Variants in S1PR3 observed in about 807,000 individuals in gnomAD.
The protein encoded by S1PR3 is sphingosine-1-phosphate receptor 3.
A neutral mutation model predicts 13.3 loss-of-function variants in S1PR3; 12 were observed. The observed-to-expected ratio is 0.90, with a 90% CI of 0.58 to 1.46. The LOEUF is 1.46. Ranked by LOEUF, S1PR3 falls within the 40% of genes most tolerant of loss-of-function variation. The pLI is 0.00. For synonymous variants in S1PR3, 232 were observed against 214.0 expected, an observed-to-expected ratio of 1.08 and a Z score of -0.73; for missense variants, 450 against 501.9, an observed-to-expected ratio of 0.90 and a Z score of 0.99.
intron 1 of S1PR3, chr9:88,995,166 G>A (rs1448615446): frequency 2.4e-5 from 4 of 167,048 alleles, no homozygotes; most frequent in Non-Finnish European, 5.9e-5. Flanking sequence ...GGATGAACTA[G>A]TTAATTTCCC....
rs1825710278 is a variant in S1PR3, at chr9:88,991,659, A to G, written c.-184A>G. The G allele has an allele frequency of 6.6e-7, 1 of 1,518,044 alleles. No homozygotes were observed. Among genetic ancestry groups the G allele is most frequent in the Non-Finnish European group, 8.8e-7 (1 of 1,135,040 alleles). 94.0% of individuals were successfully genotyped at this position (1,518,044 alleles called of 1,614,324 possible). ...CCGGCACCGCCGCGCGCCACCCGCT[A>G]GGATGCCGGTGGCCCCAGCGCCCTC... is the stretch of plus-strand genomic sequence containing the variant. On this transcript the variant is annotated 5_prime_UTR_variant, in exon 1 of 2. Transcript: ENST00000358157. This position sits in a 1 kb window ranked among gnomAD's most constrained non-coding sequence, Gnocchi z 4.0.
intron 1 of S1PR3, 99 bp from the exon 2 acceptor site, chr9:89,000,955 C>T: frequency 1.8e-6 from 1 of 543,796 alleles, no homozygotes; most frequent in South Asian, 2.2e-5. Flanking sequence ...CATCCCAGTA[C>T]TTCCACGTTT....
Position 89,002,520 on chromosome 9 carries a change from G to C in S1PR3, c.*183G>C. The stretch of plus-strand genomic sequence containing the variant: ...ACCACCCCGCTTCAGTGTAAACAAC[G>C]TGCCTTGTCCACTTTGGGCTCCAGA... On this transcript the variant is annotated 3_prime_UTR_variant, in exon 2 of 2. Coordinates refer to ENST00000358157, the MANE Select transcript of S1PR3 (RefSeq NM_005226.4). 1 of 710,250 alleles carries C rather than the reference G, an allele frequency of 1.4e-6. No homozygotes were observed. Among genetic ancestry groups the C allele is most frequent in the South Asian group, 1.9e-5 (1 of 51,662 alleles). 44.0% of individuals were successfully genotyped at this position (710,250 alleles called of 1,614,324 possible). A position where few individuals can be genotyped will look rare whatever the true frequency, so the allele number is the denominator to read the frequency against.
intron 1 of S1PR3, chr9:88,994,708 A>G (rs1825776857): frequency 6.0e-6 from 1 of 167,030 alleles, no homozygotes; most frequent in African/African-American, 2.4e-5. Context: ...TCCCTGGACT[A>G]TGCCCAGATA....
At position 89,002,445 on chromosome 9, in the gene S1PR3, C is replaced by A; in HGVS notation, c.*108C>A. ...CTCGGGAGAGCTACCTTACTTTGAC[C>A]AACAGCCTGCCCAGTGTGGATGTCT... On this transcript the variant is annotated 3_prime_UTR_variant, in exon 2 of 2. Transcript: ENST00000358157. The A allele has an allele frequency of 2.3e-6, 3 of 1,313,236 alleles. No individual in the cohort carries two copies. The highest frequency in any genetic ancestry group is 1.5e-5 in the African/African-American group (1 of 68,158). 81.3% of individuals were successfully genotyped at this position (1,313,236 alleles called of 1,614,324 possible).
rs745309887 is a variant in S1PR3, at chr9:88,991,777, A to T, written c.-148+82A>T. On this transcript the variant is annotated intron_variant, in intron 1 of 1. Coordinates refer to ENST00000358157, the MANE Select transcript of S1PR3 (RefSeq NM_005226.4). The surrounding 1 kb of genome is among the most constrained non-coding windows in gnomAD (Gnocchi z 4.0). ...GACCCACCTTTCCAACAAAATCCCC[A>T]CCGATCCCGGGCGCGACGGGGACTT... 6.3e-7 allele frequency: 1 copy of T among 1,580,522 alleles called. No individual in the cohort carries two copies. The highest frequency in any genetic ancestry group is 2.3e-5 in the East Asian group (1 of 43,048).
chr9:88,991,232 T>C (rs751441912), upstream of S1PR3: 12 of 1,562,492 alleles, frequency 7.7e-6, no homozygotes, highest in Middle Eastern at 1.8e-4. The surrounding 1 kb of genome is among the most constrained non-coding windows in gnomAD (Gnocchi z 4.0). Flanking sequence ...AGCCGGACCC[T>C]AGGGGATTGG....
Position 88,991,766 on chromosome 9 carries a change from A to C in S1PR3, c.-148+71A>C, listed in dbSNP as rs753724102. The stretch of plus-strand genomic sequence containing the variant: ...GGGGGCCGAAGGACCCACCTTTCCA[A>C]CAAAATCCCCACCGATCCCGGGCGC... On this transcript the variant is annotated intron_variant, in intron 1 of 1. Coordinates refer to ENST00000358157, the MANE Select transcript of S1PR3 (RefSeq NM_005226.4). This position sits in a 1 kb window ranked among gnomAD's most constrained non-coding sequence, Gnocchi z 4.0. 6.4e-7 allele frequency: 1 copy of C among 1,566,492 alleles called. No homozygotes were observed. The highest frequency in any genetic ancestry group is 1.4e-5 in the African/African-American group (1 of 73,616).
upstream of S1PR3, chr9:88,991,073 A>T: frequency 6.2e-7 from 1 of 1,613,520 alleles, no homozygotes; most frequent in South Asian, 1.1e-5. This position sits in a 1 kb window ranked among gnomAD's most constrained non-coding sequence, Gnocchi z 4.0. Context: ...CCTCGCTGTC[A>T]GGGCGACAGG....
At chr9:88,995,600 G>A (rs985326041) in intron 1 of S1PR3, 1 of 167,080 alleles carries the variant, frequency 6.0e-6, no homozygotes, top group African/African-American at 2.4e-5. Context: ...AATGCTTTGA[G>A]GTAGGCTGGA....
In S1PR3 at chr9:88,991,732, T is replaced by TGGG; in HGVS notation, c.-148+41_-148+43dup. ...GCCCGGGCGGGGCGCGGAACCAGGG[T>TGGG]GGGGGGCTGGGGGCCGAAGGACCCA... On this transcript the variant is annotated intron_variant, in intron 1 of 1. Transcript: ENST00000358157. The surrounding 1 kb of genome is among the most constrained non-coding windows in gnomAD (Gnocchi z 4.0). 1 of 1,532,648 alleles carries TGGG rather than the reference T, an allele frequency of 6.5e-7. No individual in the cohort carries two copies. The highest frequency in any genetic ancestry group is 8.8e-7 in the Non-Finnish European group (1 of 1,138,744). The allele number at this position is 1,532,648 out of a possible 1,614,324, so 94.9% of individuals were successfully genotyped here.
chr9:88,991,649 GC>G lies in S1PR3; in HGVS notation c.-192del. ...ACCGGGCGCCCCGGCACCGCCGCGCGCCACCCGCTAGGATGCCGGTGGCCCC... is the reference window on the plus strand; with the variant it reads ...ACCGGGCGCCCCGGCACCGCCGCGCGCACCCGCTAGGATGCCGGTGGCCCC... On this transcript the variant is annotated 5_prime_UTR_variant, in exon 1 of 2. Transcript: ENST00000358157. This position sits in a 1 kb window ranked among gnomAD's most constrained non-coding sequence, Gnocchi z 4.0. The G allele has an allele frequency of 2.6e-6, 4 of 1,520,398 alleles. No homozygotes were observed. Among genetic ancestry groups the G allele is most frequent in the Non-Finnish European group, 3.5e-6 (4 of 1,135,874 alleles). The allele number at this position is 1,520,398 out of a possible 1,614,324, so 94.2% of individuals were successfully genotyped here. A position where few individuals can be genotyped will look rare whatever the true frequency, so the allele number is the denominator to read the frequency against.
In S1PR3 at chr9:89,002,279, C is replaced by T. The variant is rs145641692; in HGVS notation, c.1079C>T (p.Pro360Leu). Residue 360 changes from proline (P) to leucine (L), a missense_variant, in exon 2 of 2, where the codon CCC becomes CTC. Pro to Leu is a moderately conservative substitution (Grantham distance 98). Transcript: ENST00000358157. ...AAGGAAGACCTGCCCCACACAGCCC[C>T]CTCATCCTGCATCATGGACAAGAAC... is the stretch of plus-strand genomic sequence containing the variant. Reference protein sequence around the residue: ...KVKEDLPHTAPSSCIMDKNAA... With the variant: ...KVKEDLPHTALSSCIMDKNAA... The T allele has an allele frequency of 4.6e-5, 74 of 1,614,036 alleles. No individual in the cohort carries two copies. Among genetic ancestry groups the T allele is most frequent in the Non-Finnish European group, 5.9e-5 (70 of 1,180,034 alleles).
chr9:88,994,357 C>A (rs1426425301), intron 1 of S1PR3: 1 of 167,106 alleles, frequency 6.0e-6, no homozygotes, highest in African/African-American at 2.4e-5. Flanking sequence ...GTGAGACTGC[C>A]GCTTTGGGAA....
upstream of S1PR3, chr9:88,991,121 C>T (rs1825687929): frequency 6.2e-7 from 1 of 1,612,682 alleles, no homozygotes; most frequent in Non-Finnish European, 8.5e-7. This position sits in a 1 kb window ranked among gnomAD's most constrained non-coding sequence, Gnocchi z 4.0. Context: ...TGGTTCCAAG[C>T]CTGTTCCCGC....
intron 1 of S1PR3, chr9:88,992,297 T>TTC: frequency 2.4e-6 from 1 of 423,656 alleles, no homozygotes; most frequent in South Asian, 2.6e-5. Flanking sequence ...TCTCTCTCTC[T>TTC]CTTCCTCTGA....
chr9:88,993,112 G>A (rs930265839), intron 1 of S1PR3: 5 of 142,400 alleles, frequency 3.5e-5, no homozygotes, highest in Non-Finnish European at 6.1e-5. Context: ...AAATGCATGA[G>A]TCTCTGATTT....
Position 88,991,623 on chromosome 9 carries a change from G to A in S1PR3, c.-220G>A, listed in dbSNP as rs1587662693. The A allele has an allele frequency of 1.3e-6, 2 of 1,536,656 alleles. No homozygotes were observed. The highest frequency in any genetic ancestry group is 4.0e-5 in the Admixed American group (2 of 49,952). On this transcript the variant is annotated 5_prime_UTR_variant, in exon 1 of 2. Transcript: ENST00000358157. This position sits in a 1 kb window ranked among gnomAD's most constrained non-coding sequence, Gnocchi z 4.0. The stretch of plus-strand genomic sequence containing the variant: ...CAGCCCATCTGGCATTCGAGCGCAG[G>A]ACCGGGCGCCCCGGCACCGCCGCGC...
At position 89,002,266 on chromosome 9, in the gene S1PR3, C is replaced by T; in HGVS notation, c.1066C>T (p.Pro356Ser). Residue 356 changes from proline (P) to serine (S), a missense_variant, in exon 2 of 2, where the codon CCC (proline) becomes TCC (serine). Transcript: ENST00000358157. ...CTCTCCGAAGGTCAAGGAAGACCTG[C>T]CCCACACAGCCCCCTCATCCTGCAT... ...SHSPKVKEDL[P>S]HTAPSSCIMD... 1.2e-6 allele frequency: 2 copies of T among 1,614,150 alleles called. No individual in the cohort carries two copies. The highest frequency in any genetic ancestry group is 1.7e-6 in the Non-Finnish European group (2 of 1,180,026).
Sources: gnomAD v4.1 joint callset for allele counts on GRCh38, gnomAD v4.1.1 for gene constraint, Gnocchi (gnomAD v3.1) non-coding constraint, MANE v1.5 for transcripts, NCBI Gene and HGNC (gene_info 2026-07-23, HGNC 2026-07-21) for gene names.